CCDC91: variants seen among roughly 807,000 people sequenced by gnomAD.
CCDC91 encodes coiled-coil domain containing 91.
Under a neutral mutation model 63.2 loss-of-function variants are expected in CCDC91, and 48 were observed. That is an observed-to-expected ratio of 0.76 (90% CI 0.60 to 0.97). The LOEUF (loss-of-function observed/expected upper bound fraction) is 0.97. Among genes scored for constraint, CCDC91 ranks in the 50% least tolerant of loss-of-function variants. The pLI, the probability that CCDC91 is intolerant of heterozygous loss-of-function variation, is 0.00. For missense variants in CCDC91, 500 were observed against 494.6 expected (o/e 1.01, Z -0.10); for synonymous variants, 167 against 165.8 (o/e 1.01, Z -0.06).
intron 12 of CCDC91, among the ~76,000 whole-genome samples, chr12:28,485,083 G>A (rs1592813310): frequency 6.6e-6 from 1 of 151,402 alleles, no homozygotes; most frequent in Non-Finnish European, 1.5e-5. Flanking sequence ...GAAAATATAC[G>A]ATAAGATATT....
At position 28,549,564 on chromosome 12, in the gene CCDC91, C is replaced by T. The variant is rs948727218; in HGVS notation, c.*391C>T. 1 of 152,770 alleles carries T rather than the reference C, an allele frequency of 6.5e-6. No homozygotes were observed. The highest frequency in any genetic ancestry group is 1.5e-5 in the Non-Finnish European group (1 of 68,558). 9.5% of individuals were successfully genotyped at this position (152,770 alleles called of 1,614,324 possible). A position where few individuals can be genotyped will look rare whatever the true frequency, so the allele number is the denominator to read the frequency against. On this transcript the variant is annotated 3_prime_UTR_variant, in exon 13 of 13. Coordinates refer to ENST00000536442, the MANE Select transcript of CCDC91 (RefSeq NM_018318.5). Reference sequence around the variant, plus strand: ...TCTTGATGAGATGCTAGAATGTAACCATACATTTATCTTATTTTGAGGATA... The same window carrying T: ...TCTTGATGAGATGCTAGAATGTAACTATACATTTATCTTATTTTGAGGATA...
At chr12:28,214,629 A>G (rs1263891466) in intron 1 of CCDC91, among the ~76,000 whole-genome samples, 2 of 151,958 alleles carry the variant, frequency 1.3e-5, no homozygotes, top group South Asian at 2.1e-4. Context: ...TTCCCTTGTC[A>G]TGTAATATAA....
chr12:28,432,394 C>A (rs1350345920), intron 8 of CCDC91, among the ~76,000 whole-genome samples: 2 of 151,978 alleles, frequency 1.3e-5, no homozygotes, highest in African/African-American at 4.8e-5. Context: ...ATGCTGTTCT[C>A]GTGATAGTGA....
At chr12:28,472,178 A>T (rs1019487326) in intron 11 of CCDC91, among the ~76,000 whole-genome samples, 11 of 152,210 alleles carry the variant, frequency 7.2e-5, no homozygotes, top group Admixed American at 5.2e-4. Context: ...CCACAGAAGG[A>T]AGAGACAAGC....
At chr12:28,376,612 G>A (rs1362671932) in intron 7 of CCDC91, among the ~76,000 whole-genome samples, 1 of 151,752 alleles carries the variant, frequency 6.6e-6, no homozygotes, top group Admixed American at 6.6e-5. Context: ...AAAAATACAG[G>A]CATATTTGCT....
intron 1 of CCDC91, among the ~76,000 whole-genome samples, chr12:28,241,586 T>G (rs182613908): frequency 2.0e-5 from 3 of 152,310 alleles, no homozygotes; most frequent in Admixed American, 2.0e-4. Context: ...TTTGGGTTGT[T>G]TGTGGGGTTT....
Position 28,311,269 on chromosome 12 carries a change from G to A in CCDC91, c.576+3520G>A, listed in dbSNP as rs138465102. 8.5e-5 allele frequency among the ~76,000 whole-genome samples: 13 copies of A among 152,076 alleles called. No homozygotes were observed. The East Asian group carries it at 1.7e-3, about 20-fold the overall frequency. ...GAGAGGCACCTTATTACTGTTCCAC[G>A]GGTGCCTTACTGTGAGATTAGGTGA... On this transcript the variant is annotated intron_variant, in intron 6 of 12. Coordinates refer to ENST00000536442, the MANE Select transcript of CCDC91 (RefSeq NM_018318.5).
At chr12:28,203,404 T>C (rs1034043269) in intron 1 of CCDC91, among the ~76,000 whole-genome samples, 5 of 152,236 alleles carry the variant, frequency 3.3e-5, no homozygotes, top group African/African-American at 7.2e-5. Context: ...GCCCAAGTTC[T>C]TCTTAATGTC....
chr12:28,453,287 A>G (rs937650759), intron 11 of CCDC91, among the ~76,000 whole-genome samples: 5 of 151,954 alleles, frequency 3.3e-5, no homozygotes, highest in African/African-American at 1.2e-4. Context: ...GTCTTTTTAT[A>G]TATATATAGG....
chr12:28,207,118 TTTCCAC>T (rs1222032031), intron 1 of CCDC91, among the ~76,000 whole-genome samples: 4 of 152,240 alleles, frequency 2.6e-5, no homozygotes, highest in Non-Finnish European at 5.9e-5. Context: ...ACAGACCTTT[TTTCCAC>T]TTCTATTGTT....
intron 3 of CCDC91, among the ~76,000 whole-genome samples, chr12:28,261,852 C>G (rs971210278): frequency 6.6e-6 from 1 of 151,878 alleles, no homozygotes; most frequent in Non-Finnish European, 1.5e-5. Flanking sequence ...CACACTCACA[C>G]TCACACACTC....
rs181362422 is a variant in CCDC91 at position 28,546,135 on chromosome 12, C to T, written c.1216-2928C>T. The stretch of plus-strand genomic sequence containing the variant: ...ACGTATCTCATCCTGCCAGATTCAT[C>T]CTCCAAATACAACTATCCTCAGTTC... On this transcript the variant is annotated intron_variant, in intron 12 of 12. Transcript: ENST00000536442. 5.3e-3 allele frequency among the ~76,000 whole-genome samples: 812 copies of T among 152,162 alleles called. 6 individuals are homozygous for T. Among genetic ancestry groups the T allele is most frequent in the South Asian group, 0.015 (73 of 4,822 alleles).
chr12:28,332,557 C>A (rs1941600174), intron 6 of CCDC91, among the ~76,000 whole-genome samples: 1 of 152,148 alleles, frequency 6.6e-6, no homozygotes, highest in Admixed American at 6.5e-5. Flanking sequence ...TTTGATCAAA[C>A]TACTTATCTT....
intron 12 of CCDC91, among the ~76,000 whole-genome samples, chr12:28,515,851 G>A (rs1939879426): frequency 6.6e-6 from 1 of 151,782 alleles, no homozygotes; most frequent in African/African-American, 2.4e-5. Flanking sequence ...CCAAGAAGCA[G>A]AATATTACCA....
At chr12:28,450,890 A>G (rs73085956) in intron 10 of CCDC91, among the ~76,000 whole-genome samples, 1,965 of 151,854 alleles carry the variant, frequency 0.013, 13 homozygotes, top group Middle Eastern at 0.017. Flanking sequence ...TGAATGTCTC[A>G]TATCTGTGTA....
intron 7 of CCDC91, among the ~76,000 whole-genome samples, chr12:28,390,746 T>C (rs1779000330): frequency 6.6e-6 from 1 of 152,084 alleles, no homozygotes; most frequent in Non-Finnish European, 1.5e-5. Flanking sequence ...CTTTTCACAT[T>C]AGGAGCGTGA....
chr12:28,283,811 A>G (rs1365133250), intron 3 of CCDC91, among the ~76,000 whole-genome samples: 1 of 152,162 alleles, frequency 6.6e-6, no homozygotes, highest in East Asian at 1.9e-4. Context: ...GTCACATGGG[A>G]TCAAGTGCAG....
chr12:28,523,955 C>T (rs1454760331), intron 12 of CCDC91, among the ~76,000 whole-genome samples: 1 of 151,756 alleles, frequency 6.6e-6, no homozygotes, highest in African/African-American at 2.4e-5. Context: ...CTGTGAACGC[C>T]ACAAAGATAC....
chr12:28,528,591 G>C (rs1941474838), intron 12 of CCDC91, among the ~76,000 whole-genome samples: 1 of 152,110 alleles, frequency 6.6e-6, no homozygotes, highest in African/African-American at 2.4e-5. Context: ...CATGATGCAA[G>C]CCTCCATATG....
Sources: gnomAD v4.1 joint callset for allele counts (sites outside exome capture counted in the v4.1 genomes callset) on GRCh38, gnomAD v4.1.1 for gene constraint, MANE v1.5 for transcripts, NCBI Gene and HGNC (gene_info 2026-07-23, HGNC 2026-07-21) for gene names.